The following PTPRF variants were observed in gnomAD, a reference collection of about 807,000 sequenced individuals.
The protein encoded by PTPRF is receptor-type tyrosine-protein phosphatase F.
A neutral mutation model predicts 201.8 loss-of-function variants in PTPRF; 59 were observed. The ratio of observed to expected loss-of-function variants is 0.29; its 90% CI spans 0.24 to 0.36. The LOEUF is 0.36. PTPRF is among the 10% of genes least tolerant of loss of function. The pLI, the probability that PTPRF is intolerant of heterozygous loss-of-function variation, is 1.00. For synonymous variants in PTPRF, 1,088 were observed against 1,089.7 expected, an observed-to-expected ratio of 1.00 and a Z score of 0.03; for missense variants, 2,132 against 2,690.5, an observed-to-expected ratio of 0.79 and a Z score of 4.59.
intron 19 of PTPRF, 139 bp from the exon 20 acceptor site, chr1:43,606,101 G>A (rs1655026707): frequency 4.6e-6 from 4 of 878,004 alleles, no homozygotes; most frequent in Non-Finnish European, 6.8e-6. Flanking sequence ...TGTAGGGGCA[G>A]TGGGTTGGGC....
chr1:43,571,444 T>G (rs1221864040), intron 6 of PTPRF, among the ~76,000 whole-genome samples: 3 of 152,174 alleles, frequency 2.0e-5, no homozygotes, highest in African/African-American at 7.2e-5. Context: ...GAGCTCTAGA[T>G]CCAAAATTCG....
intron 5 of PTPRF, 48 bp from the exon 6 acceptor site, chr1:43,569,542 G>A (rs769387238): frequency 3.9e-6 from 6 of 1,529,206 alleles, no homozygotes; most frequent in South Asian, 1.3e-5. Flanking sequence ...GGGGTCATAG[G>A]GGGCAGGCAG....
upstream of PTPRF, among the ~76,000 whole-genome samples, chr1:43,529,751 CA>C (rs1224302020): frequency 2.0e-5 from 3 of 151,936 alleles, no homozygotes; most frequent in African/African-American, 7.3e-5. Context: ...GATTGAAGCT[CA>C]TCAAATCCCT....
chr1:43,563,620 G>C (rs1645961749), intron 5 of PTPRF, among the ~76,000 whole-genome samples: 1 of 152,196 alleles, frequency 6.6e-6, no homozygotes, highest in Non-Finnish European at 1.5e-5. Flanking sequence ...CGAAGGAGGA[G>C]GAGTGGTCAG....
At chr1:43,596,543 A>G (rs1020614135) in intron 11 of PTPRF, among the ~76,000 whole-genome samples, 3 of 151,980 alleles carry the variant, frequency 2.0e-5, no homozygotes, top group Non-Finnish European at 4.4e-5. Context: ...GAGTGAGGGC[A>G]CCTCTGTTGG....
intron 5 of PTPRF, among the ~76,000 whole-genome samples, chr1:43,569,166 A>G (rs553707495): frequency 5.3e-4 from 81 of 152,216 alleles, no homozygotes; most frequent in Admixed American, 1.0e-3. Flanking sequence ...TGGACAGCAC[A>G]GAGGCCTTCA....
At position 43,554,513 on chromosome 1, in the gene PTPRF, G is replaced by T. The variant is rs554788382; in HGVS notation, c.379+572G>T. Among the ~76,000 whole-genome samples the T allele has an allele frequency of 5.3e-5, 8 of 152,316 alleles. No individual in the cohort carries two copies. Among genetic ancestry groups the T allele is most frequent in the African/African-American group, 1.9e-4 (8 of 41,570 alleles). ...GGACAGGTGGGAGTTGGGGGTGGCA[G>T]TTGGCAGCTAGGCAGGTGCCCAGGC... On this transcript the variant is annotated intron_variant, in intron 5 of 33. Coordinates refer to ENST00000359947, the MANE Select transcript of PTPRF (RefSeq NM_002840.5). The surrounding 1 kb of genome is among the most constrained non-coding windows in gnomAD (Gnocchi z 4.1).
upstream of PTPRF, among the ~76,000 whole-genome samples, chr1:43,523,949 G>T (rs1355410700): frequency 1.3e-5 from 2 of 149,298 alleles, no homozygotes; most frequent in Non-Finnish European, 3.0e-5. Flanking sequence ...TGTGGTCCCA[G>T]CTACTCGGGA....
intron 5 of PTPRF, among the ~76,000 whole-genome samples, chr1:43,558,650 C>CGCT (rs984805862): frequency 1.3e-4 from 20 of 152,202 alleles, no homozygotes; most frequent in African/African-American, 4.8e-4. Context: ...AAGCTCTTCT[C>CGCT]GCTCCGCACT....
intron 6 of PTPRF, among the ~76,000 whole-genome samples, chr1:43,570,600 A>C (rs559444021): frequency 6.3e-4 from 96 of 152,334 alleles, no homozygotes; most frequent in African/African-American, 2.2e-3. Flanking sequence ...AAAGGAGGAC[A>C]TGACTCTTGC....
chr1:43,600,638 A>G (rs1219788318), intron 13 of PTPRF, among the ~76,000 whole-genome samples: 3 of 151,904 alleles, frequency 2.0e-5, no homozygotes, highest in South Asian at 4.1e-4. Context: ...TGAAGGAACT[A>G]TGTGGTGCAG....
intron 24 of PTPRF, 75 bp downstream of exon 24, chr1:43,617,643 G>A: frequency 1.2e-6 from 2 of 1,606,032 alleles, no homozygotes; most frequent in Non-Finnish European, 1.7e-6. Context: ...ATTCTACAGA[G>A]GATGTCCACG....
rs1283906165 is a variant in PTPRF, at chr1:43,588,493, C to G, written c.680-238C>G. ...TAAAATGGGAGCTTGGTTGCAAGAT[C>G]TCTCATTGAGTAAGTCATCGTGCTC... On this transcript the variant is annotated intron_variant, in intron 7 of 33. Coordinates refer to ENST00000359947, the MANE Select transcript of PTPRF (RefSeq NM_002840.5). This position sits in a 1 kb window ranked among gnomAD's most constrained non-coding sequence, Gnocchi z 5.3. Among the ~76,000 whole-genome samples, 1 of 152,198 alleles carries G rather than the reference C, an allele frequency of 6.6e-6. No homozygotes were observed. Among genetic ancestry groups the G allele is most frequent in the Non-Finnish European group, 1.5e-5 (1 of 68,038 alleles).
At chr1:43,534,753 G>A (rs1166236463) in intron 1 of PTPRF, among the ~76,000 whole-genome samples, 2 of 152,164 alleles carry the variant, frequency 1.3e-5, no homozygotes, top group African/African-American at 2.4e-5. Context: ...AGCTGTATGA[G>A]AGACCATAGA....
chr1:43,621,786 C>G (rs148769960), intron 33 of PTPRF, 149 bp from the exon 34 acceptor site: 1 of 704,304 alleles, frequency 1.4e-6, no homozygotes. Context: ...CTTTCAGGCT[C>G]CCCCGCACAC....
chr1:43,598,315 A>G (rs1344647896), intron 12 of PTPRF: 1 of 487,830 alleles, frequency 2.0e-6, no homozygotes, highest in Non-Finnish European at 3.6e-6. Context: ...AAAGGTCAAG[A>G]TTGGGCAGAT....
rs763264668 is a variant in PTPRF at position 43,609,394 on chromosome 1, A to G, written c.3869A>G (p.His1290Arg). Residue 1290 changes from histidine to arginine, a missense_variant, in exon 22 of 34, where the codon CAC (histidine) becomes CGC (arginine). By Grantham distance (29) the His-to-Arg change is conservative. Coordinates refer to ENST00000359947, the MANE Select transcript of PTPRF (RefSeq NM_002840.5). ...AILLFKRKRT[H>R]SPSSKDEQSI... ...TTCTGTCTCTCTAGGAAAAGGACCCACTCTCCGTCCTCTAAGGATGAGCAG... is the reference window on the plus strand; with the variant it reads ...TTCTGTCTCTCTAGGAAAAGGACCCGCTCTCCGTCCTCTAAGGATGAGCAG... The G allele has an allele frequency of 2.5e-6, 4 of 1,612,200 alleles. No homozygotes were observed. Among genetic ancestry groups the G allele is most frequent in the Non-Finnish European group, 3.4e-6 (4 of 1,179,336 alleles).
Position 43,620,838 on chromosome 1 carries a change from G to T in PTPRF, c.5365G>T (p.Asp1789Tyr). Residue 1789 changes from aspartate (D) to tyrosine (Y), a missense_variant and splice_region_variant, in exon 32 of 34, where the codon GAT (aspartate) becomes TAT (tyrosine). Around this residue, in one of 6 missense-constraint regions of PTPRF, gnomAD observed 519 missense variants for 659.5 expected, o/e 0.79. Transcript: ENST00000359947. ...LREFKVTDAR[D>Y]GQSRTIRQFQ... is the part of the protein sequence containing the mutation. ...CATGTACCCCACCCACCTTTCCCAG[G>T]ATGGGCAGTCAAGGACAATCCGGCA... 1 of 1,610,428 alleles carries T rather than the reference G, an allele frequency of 6.2e-7. No individual in the cohort carries two copies. Among genetic ancestry groups the T allele is most frequent in the Non-Finnish European group, 8.5e-7 (1 of 1,177,878 alleles).
rs1038578914 is a variant in PTPRF at position 43,545,226 on chromosome 1, AG to A, written c.91+62del. On this transcript the variant is annotated intron_variant, in intron 3 of 33. Coordinates refer to ENST00000359947, the MANE Select transcript of PTPRF (RefSeq NM_002840.5). Reference sequence around the variant, plus strand: ...GTTGAAAGGTGGCATCCTTCCCAGCAGGACTCTGGGATGGGGACAGACCGGC... The same window carrying A: ...GTTGAAAGGTGGCATCCTTCCCAGCAGACTCTGGGATGGGGACAGACCGGC... 4.0e-6 allele frequency: 6 copies of A among 1,497,250 alleles called. No individual in the cohort carries two copies. In the African/African-American group the frequency reaches 8.3e-5, roughly 21 times the overall value. 92.7% of individuals were successfully genotyped at this position (1,497,250 alleles called of 1,614,324 possible).
Sources: allele counts gnomAD v4.1 joint callset (sites outside exome capture counted in the v4.1 genomes callset), GRCh38; gene constraint gnomAD v4.1.1; regional missense constraint gnomAD v4.1.1; non-coding constraint Gnocchi (gnomAD v3.1); transcripts MANE v1.5; gene names NCBI Gene and HGNC (gene_info 2026-07-23, HGNC 2026-07-21).